The following TMEM108 variants were observed in gnomAD, a reference collection of about 807,000 sequenced individuals.
TMEM108 encodes transmembrane protein 108, also known as cancer/testis antigen 124.
A neutral mutation model predicts 35.1 loss-of-function variants in TMEM108; 12 were observed. The observed-to-expected ratio is 0.34, with a 90% CI of 0.22 to 0.55. The LOEUF (loss-of-function observed/expected upper bound fraction) is 0.55, where lower values mean the gene tolerates loss of function less well. TMEM108 is among the 20% of genes least tolerant of loss of function. TMEM108 has a pLI of 0.89. For synonymous variants in TMEM108, 287 were observed against 308.6 expected (o/e 0.93, Z 0.73); for missense variants, 680 against 753.3 (o/e 0.90, Z 1.14).
At chr3:133,334,195 TA>T (rs1398249720) in intron 3 of TMEM108, among the ~76,000 whole-genome samples, 1 of 152,184 alleles carries the variant, frequency 6.6e-6, no homozygotes, top group Non-Finnish European at 1.5e-5. Flanking sequence ...ATCCTCAATC[TA>T]GGATTAATTT....
chr3:133,163,813 T>C (rs1420825907), intron 2 of TMEM108, among the ~76,000 whole-genome samples: 2 of 152,166 alleles, frequency 1.3e-5, no homozygotes, highest in Non-Finnish European at 1.5e-5. Context: ...CCTCCTCTTA[T>C]TGTCATCTTT....
At chr3:133,065,044 C>A (rs142563501) in intron 2 of TMEM108, among the ~76,000 whole-genome samples, 1 of 152,280 alleles carries the variant, frequency 6.6e-6, no homozygotes, top group East Asian at 1.9e-4. Context: ...CAAGGCACAA[C>A]CAGGCCTTTT....
chr3:133,380,125 C>T lies in TMEM108; in HGVS notation c.414C>T (p.Ala138=), dbSNP rs1180592639. ...AGGGCCGCCCTCGAGGGCAGGCTGC[C>T]CCCACCATCCTGCTGACAAAGCCAC... ...KPEGRPRGQA[A]PTILLTKPPG... Residue 138 remains alanine, a synonymous_variant, in exon 4 of 6, where the codon GCC becomes GCT. Transcript: ENST00000321871. This position sits in a 1 kb window ranked among gnomAD's most constrained non-coding sequence, Gnocchi z 5.3. 1.2e-6 allele frequency: 2 copies of T among 1,613,792 alleles called. No homozygotes were observed. The highest frequency in any genetic ancestry group is 1.7e-5 in the Admixed American group (1 of 59,992).
At chr3:133,223,690 T>C (rs1223542071) in intron 2 of TMEM108, among the ~76,000 whole-genome samples, 2 of 152,172 alleles carry the variant, frequency 1.3e-5, no homozygotes, top group African/African-American at 4.8e-5. Flanking sequence ...GAAACCATCA[T>C]TAGAATAGTA....
chr3:133,231,757 A>T (rs1946156714), intron 3 of TMEM108, among the ~76,000 whole-genome samples: 1 of 152,214 alleles, frequency 6.6e-6, no homozygotes, highest in African/African-American at 2.4e-5. Context: ...AAAAAACAAA[A>T]ACAATTACTA....
chr3:133,255,833 A>G (rs1946538005), intron 3 of TMEM108, among the ~76,000 whole-genome samples: 1 of 152,106 alleles, frequency 6.6e-6, no homozygotes, highest in South Asian at 2.1e-4. Flanking sequence ...TACTAAAAAT[A>G]TAAAAATTAG....
intron 2 of TMEM108, among the ~76,000 whole-genome samples, chr3:133,064,441 G>T (rs1347200880): frequency 6.6e-6 from 1 of 152,124 alleles, no homozygotes; most frequent in Admixed American, 6.5e-5. Flanking sequence ...AGTCTGTTGA[G>T]CCCTAAACAT....
intron 3 of TMEM108, among the ~76,000 whole-genome samples, chr3:133,264,270 AT>A (rs2107677487): frequency 6.6e-6 from 1 of 152,048 alleles, no homozygotes; most frequent in East Asian, 1.9e-4. Flanking sequence ...GTGCCACTGT[AT>A]TTCGGCCTAG....
chr3:133,187,920 A>G (rs2088916242), intron 2 of TMEM108, among the ~76,000 whole-genome samples: 1 of 151,160 alleles, frequency 6.6e-6, no homozygotes, highest in African/African-American at 2.4e-5. Flanking sequence ...CAAATAATCA[A>G]TAGGCTATTT....
chr3:133,169,824 A>G (rs898699791), intron 2 of TMEM108, among the ~76,000 whole-genome samples: 1 of 152,202 alleles, frequency 6.6e-6, no homozygotes, highest in Non-Finnish European at 1.5e-5. Context: ...CAAATACCAG[A>G]TGGCTGTGTA....
At chr3:133,378,110 A>T (rs975232511) in intron 3 of TMEM108, among the ~76,000 whole-genome samples, 1 of 152,210 alleles carries the variant, frequency 6.6e-6, no homozygotes, top group African/African-American at 2.4e-5. Context: ...CATGAATGAA[A>T]GTTTAGAAAA....
intron 5 of TMEM108, among the ~76,000 whole-genome samples, chr3:133,390,755 C>T (rs548840452): frequency 4.9e-4 from 73 of 149,516 alleles, no homozygotes; most frequent in African/African-American, 1.5e-3. Context: ...CAAACACAGA[C>T]GAGTTATAGA....
At chr3:133,242,721 G>T (rs1176854665) in intron 3 of TMEM108, among the ~76,000 whole-genome samples, 1 of 152,232 alleles carries the variant, frequency 6.6e-6, no homozygotes, top group African/African-American at 2.4e-5. Context: ...GAAGAGGCAA[G>T]AATGAGAATC....
chr3:133,122,757 G>C (rs1367597104), intron 2 of TMEM108, among the ~76,000 whole-genome samples: 1 of 151,734 alleles, frequency 6.6e-6, no homozygotes, highest in Non-Finnish European at 1.5e-5. Flanking sequence ...CAGCTACTCG[G>C]GAGGCTGAGG....
At chr3:133,160,935 C>T (rs1944953191) in intron 2 of TMEM108, among the ~76,000 whole-genome samples, 1 of 152,164 alleles carries the variant, frequency 6.6e-6, no homozygotes, top group African/African-American at 2.4e-5. Flanking sequence ...GTAATGGCCT[C>T]CTAACTGGCC....
intron 2 of TMEM108, among the ~76,000 whole-genome samples, chr3:133,127,238 A>G (rs1236289817): frequency 6.6e-6 from 1 of 152,204 alleles, no homozygotes; most frequent in African/African-American, 2.4e-5. Context: ...TTCTAAATTT[A>G]AATTTAACTT....
chr3:133,105,407 T>C (rs1226771888), intron 2 of TMEM108, among the ~76,000 whole-genome samples: 6 of 152,234 alleles, frequency 3.9e-5, no homozygotes, highest in Non-Finnish European at 4.4e-5. Flanking sequence ...TCGTCTTTTT[T>C]GCCTTCCTCT....
intron 2 of TMEM108, among the ~76,000 whole-genome samples, chr3:133,096,594 C>T (rs748099568): frequency 1.3e-4 from 20 of 152,166 alleles, no homozygotes; most frequent in Admixed American, 7.9e-4. Context: ...ACAATGCTGA[C>T]GCCTCTGCCT....
intron 2 of TMEM108, among the ~76,000 whole-genome samples, chr3:133,060,678 G>A (rs1184637063): frequency 6.6e-6 from 1 of 152,134 alleles, no homozygotes; most frequent in East Asian, 1.9e-4. Flanking sequence ...CCAACTTCTA[G>A]TATTTGTCTA....
Sources: allele counts gnomAD v4.1 joint callset (sites outside exome capture counted in the v4.1 genomes callset), GRCh38; gene constraint gnomAD v4.1.1; non-coding constraint Gnocchi (gnomAD v3.1); transcripts MANE v1.5; gene names NCBI Gene and HGNC (gene_info 2026-07-23, HGNC 2026-07-21).